The following HIBCH variants were observed in gnomAD, a reference collection of about 807,000 sequenced individuals.
HIBCH encodes 3-hydroxyisobutyryl-CoA hydrolase, mitochondrial.
Under a neutral mutation model 58.2 loss-of-function variants are expected in HIBCH, and 50 were observed. The observed-to-expected ratio is 0.86, with a 90% CI of 0.68 to 1.09. The LOEUF is 1.09. Among genes scored for constraint, HIBCH ranks in the 50% least tolerant of loss-of-function variants. HIBCH has a pLI of 0.00. For missense variants in HIBCH, 450 were observed against 449.7 expected (o/e 1.00, Z -0.01); for synonymous variants, 151 against 146.9 (o/e 1.03, Z -0.20).
intron 5 of HIBCH, among the ~76,000 whole-genome samples, chr2:190,289,511 T>C (rs1687912839): frequency 6.6e-6 from 1 of 152,144 alleles, no homozygotes; most frequent in Non-Finnish European, 1.5e-5. Context: ...GAGGGATAAA[T>C]GGTTGCTTCT....
rs1686519770 is a variant in HIBCH at position 190,243,765 on chromosome 2, C to CGAGACCAGTCTGGCCAACATGGT, written c.891+1099_891+1121dup. On this transcript the variant is annotated intron_variant, in intron 11 of 13. Coordinates refer to ENST00000359678, the MANE Select transcript of HIBCH (RefSeq NM_014362.4). This position sits in a 1 kb window ranked among gnomAD's most constrained non-coding sequence, Gnocchi z 4.1. ...GGTGAATCACTTGAGCCTAGGAGGTCGAGACCAGTCTGGCCAACATGGTGA... is the reference window on the plus strand; with the variant it reads ...GGTGAATCACTTGAGCCTAGGAGGTCGAGACCAGTCTGGCCAACATGGTGAGACCAGTCTGGCCAACATGGTGA... Among the ~76,000 whole-genome samples, 2 of 151,990 alleles carry CGAGACCAGTCTGGCCAACATGGT rather than the reference C, an allele frequency of 1.3e-5. No homozygotes were observed. Among genetic ancestry groups the CGAGACCAGTCTGGCCAACATGGT allele is most frequent in the African/African-American group, 2.4e-5 (1 of 41,392 alleles).
At chr2:190,224,130 C>T (rs1013253369) in intron 11 of HIBCH, among the ~76,000 whole-genome samples, 4 of 152,178 alleles carry the variant, frequency 2.6e-5, no homozygotes, top group African/African-American at 9.7e-5. Context: ...CTCAGAGGGT[C>T]CCATGCCCAC....
rs1329199301 is a variant in HIBCH at position 190,304,461 on chromosome 2, T to C, written c.78+6293A>G. ...TATAAAGCCACCAGTCTCACTCCCA[T>C]AACCCCATTAATCAATTAATGGATT... On this transcript the variant is annotated intron_variant, in intron 2 of 13. Coordinates refer to ENST00000359678, the MANE Select transcript of HIBCH (RefSeq NM_014362.4). The surrounding 1 kb of genome is among the most constrained non-coding windows in gnomAD (Gnocchi z 4.1). Among the ~76,000 whole-genome samples the C allele has an allele frequency of 2.0e-5, 3 of 152,110 alleles. No individual in the cohort carries two copies. Among genetic ancestry groups the C allele is most frequent in the East Asian group, 3.8e-4 (2 of 5,198 alleles).
intron 6 of HIBCH, among the ~76,000 whole-genome samples, chr2:190,267,478 T>C (rs1159164647): frequency 6.6e-6 from 1 of 152,108 alleles, no homozygotes; most frequent in Non-Finnish European, 1.5e-5. Flanking sequence ...ATTACAGGCA[T>C]GAGTCACCAC....
intron 11 of HIBCH, among the ~76,000 whole-genome samples, chr2:190,221,836 C>G (rs1160626422): frequency 1.3e-5 from 2 of 152,156 alleles, no homozygotes; most frequent in African/African-American, 4.8e-5. Context: ...AGGAATCTGG[C>G]CAGGGATGGC....
At position 190,304,602 on chromosome 2, in the gene HIBCH, CA is replaced by C. The variant is rs772044924; in HGVS notation, c.78+6151del. On this transcript the variant is annotated intron_variant, in intron 2 of 13. Transcript: ENST00000359678. The surrounding 1 kb of genome is among the most constrained non-coding windows in gnomAD (Gnocchi z 4.1). Reference sequence around the variant, plus strand: ...ATGAGTTTTGGAGCGGGCAAATATTCAAACCACGAAACCAATATTCTCAGTT... The same window carrying C: ...ATGAGTTTTGGAGCGGGCAAATATTCAACCACGAAACCAATATTCTCAGTT... 1.3e-5 allele frequency among the ~76,000 whole-genome samples: 2 copies of C among 152,150 alleles called. No individual in the cohort carries two copies. Among genetic ancestry groups the C allele is most frequent in the South Asian group, 4.1e-4 (2 of 4,828 alleles).
chr2:190,282,072 G>C (rs930528822), intron 6 of HIBCH, among the ~76,000 whole-genome samples: 1 of 152,062 alleles, frequency 6.6e-6, no homozygotes, highest in Non-Finnish European at 1.5e-5. Context: ...GCCCTCACCA[G>C]AATCACCCTT....
intron 6 of HIBCH, among the ~76,000 whole-genome samples, chr2:190,285,248 A>G (rs756062107): frequency 3.3e-5 from 5 of 151,556 alleles, no homozygotes; most frequent in Non-Finnish European, 5.9e-5. Flanking sequence ...TCCTTATGGG[A>G]TTTCTTTCCT....
At chr2:190,245,064 T>C in intron 10 of HIBCH, 96 bp from the exon 11 acceptor site, 3 of 813,388 alleles carry the variant, frequency 3.7e-6, no homozygotes, top group Non-Finnish European at 6.5e-6. Flanking sequence ...CCACCTCTGT[T>C]TCAATAATGA....
rs1249922080 is a variant in HIBCH at position 190,279,286 on chromosome 2, G to C, written c.438+8300C>G. On this transcript the variant is annotated intron_variant, in intron 6 of 13. Transcript: ENST00000359678. The surrounding 1 kb of genome is among the most constrained non-coding windows in gnomAD (Gnocchi z 4.2). ...TCACTTCTTAATACTGTTACATTCAGGATTAAGTTTCAACATGAGTTTCGG... is the reference window on the plus strand; with the variant it reads ...TCACTTCTTAATACTGTTACATTCACGATTAAGTTTCAACATGAGTTTCGG... Among the ~76,000 whole-genome samples the C allele has an allele frequency of 6.6e-6, 1 of 152,054 alleles. No homozygotes were observed. Among genetic ancestry groups the C allele is most frequent in the Non-Finnish European group, 1.5e-5 (1 of 68,012 alleles).
In HIBCH at chr2:190,304,187, T is replaced by C. The variant is rs1392060723; in HGVS notation, c.78+6567A>G. On this transcript the variant is annotated intron_variant, in intron 2 of 13. Coordinates refer to ENST00000359678, the MANE Select transcript of HIBCH (RefSeq NM_014362.4). This position sits in a 1 kb window ranked among gnomAD's most constrained non-coding sequence, Gnocchi z 4.1. ...AAATAAAGTCTGGAGTTAACAGTAA[T>C]ATACAAATTGCCTTAGTTAAGTTTC... 6.6e-6 allele frequency among the ~76,000 whole-genome samples: 1 copy of C among 150,682 alleles called. No homozygotes were observed. The highest frequency in any genetic ancestry group is 2.4e-5 in the African/African-American group (1 of 40,838).
At chr2:190,271,488 G>A (rs1028082603) in intron 6 of HIBCH, among the ~76,000 whole-genome samples, 2 of 151,498 alleles carry the variant, frequency 1.3e-5, no homozygotes, top group African/African-American at 4.9e-5. Context: ...ACGGGGTTTC[G>A]CCATGTTGGC....
At chr2:190,309,436 G>A (rs1688501185) in intron 2 of HIBCH, among the ~76,000 whole-genome samples, 1 of 152,050 alleles carries the variant, frequency 6.6e-6, no homozygotes, top group African/African-American at 2.4e-5. Context: ...AGATATAAAA[G>A]TGAATAAAAT....
In HIBCH at chr2:190,234,641, G is replaced by C. The variant is rs145211571; in HGVS notation, c.891+10246C>G. On this transcript the variant is annotated intron_variant, in intron 11 of 13. Coordinates refer to ENST00000359678, the MANE Select transcript of HIBCH (RefSeq NM_014362.4). ...AAGGCGGGTGGATCAACTGAGGTCAGGAGTTCAAGACCAGCCTGACTAATA... is the reference window on the plus strand; with the variant it reads ...AAGGCGGGTGGATCAACTGAGGTCACGAGTTCAAGACCAGCCTGACTAATA... Among the ~76,000 whole-genome samples the C allele has an allele frequency of 3.5e-3, 531 of 152,232 alleles. 2 individuals are homozygous for C. Among genetic ancestry groups the C allele is most frequent in the African/African-American group, 0.012 (506 of 41,546 alleles).
At chr2:190,228,549 TA>T (rs34542486) in intron 11 of HIBCH, among the ~76,000 whole-genome samples, 3 of 124,780 alleles carry the variant, frequency 2.4e-5, no homozygotes, top group South Asian at 2.5e-4. Flanking sequence ...AAAGTATAAT[TA>T]AAAAAAAAGA....
At chr2:190,297,039 TC>T in intron 2 of HIBCH, 86 bp from the exon 3 acceptor site, 2 of 1,226,102 alleles carry the variant, frequency 1.6e-6, no homozygotes, top group Non-Finnish European at 2.4e-6. Context: ...CAAATGCAAA[TC>T]TTGCATATTA....
At chr2:190,223,960 G>T (rs1050389227) in intron 11 of HIBCH, among the ~76,000 whole-genome samples, 1 of 152,176 alleles carries the variant, frequency 6.6e-6, no homozygotes, top group Non-Finnish European at 1.5e-5. Context: ...GCGGGGGATC[G>T]CCTCACCTGA....
chr2:190,310,947 A>G, intron 1 of HIBCH, 151 bp from the exon 2 acceptor site: 2 of 712,432 alleles, frequency 2.8e-6, no homozygotes, highest in Non-Finnish European at 5.2e-6. Context: ...CACTGCTGGT[A>G]GGAACATTAA....
rs1686675532 is a variant in HIBCH, at chr2:190,248,562, A to G, written c.750+1078T>C. Among the ~76,000 whole-genome samples the G allele has an allele frequency of 4.6e-5, 7 of 152,154 alleles. 1 individual carries two copies. On this transcript the variant is annotated intron_variant, in intron 9 of 13. Transcript: ENST00000359678. ...CTGGAAGATAGCTACTCTCAGTTGT[A>G]CAAGAAGACTTGTGGAAGGGCCAGG... is the stretch of plus-strand genomic sequence containing the variant.
Sources: allele counts gnomAD v4.1 joint callset (sites outside exome capture counted in the v4.1 genomes callset), GRCh38; gene constraint gnomAD v4.1.1; non-coding constraint Gnocchi (gnomAD v3.1); transcripts MANE v1.5; gene names NCBI Gene and HGNC (gene_info 2026-07-23, HGNC 2026-07-21).